ADD2: variants seen among roughly 807,000 people sequenced by gnomAD.
The protein encoded by ADD2 is adducin 2.
Under a neutral mutation model 83.0 loss-of-function variants are expected in ADD2, and 23 were observed. The observed-to-expected ratio is 0.28, with a 90% CI of 0.20 to 0.39. The LOEUF is 0.39. Ranked by LOEUF, ADD2 falls within the 10% of genes least tolerant of loss-of-function variation. The pLI is 1.00. For synonymous variants in ADD2, 375 were observed against 375.4 expected (o/e 1.00, Z 0.01); for missense variants, 758 against 944.9 (o/e 0.80, Z 2.59).
At position 70,732,193 on chromosome 2, in the gene ADD2, A is replaced by G. The variant is rs1012226213; in HGVS notation, c.-153-19009T>C. Reference sequence around the variant, plus strand: ...GGCTGGAACCAAAGCATGAAGTTGTACGAAAATATATAGTATGAAGCCTTT... The same window carrying G: ...GGCTGGAACCAAAGCATGAAGTTGTGCGAAAATATATAGTATGAAGCCTTT... On this transcript the variant is annotated intron_variant, in intron 1 of 15. Transcript: ENST00000264436. Among the ~76,000 whole-genome samples, 3 of 152,328 alleles carry G rather than the reference A, an allele frequency of 2.0e-5. No individual in the cohort carries two copies. In the East Asian group the frequency reaches 5.8e-4, roughly 29 times the overall value.
intron 1 of ADD2, among the ~76,000 whole-genome samples, chr2:70,736,884 A>G (rs2104485388): frequency 6.6e-6 from 1 of 152,274 alleles, no homozygotes; most frequent in East Asian, 1.9e-4. Context: ...AAAAGGAAAA[A>G]ACAAACAACC....
chr2:70,677,249 G>A (rs1670207270), intron 12 of ADD2, among the ~76,000 whole-genome samples: 1 of 152,046 alleles, frequency 6.6e-6, no homozygotes, highest in African/African-American at 2.4e-5. Flanking sequence ...GAGAGGGAGG[G>A]AGGGTGGTAG....
chr2:70,722,822 A>T (rs1279798264), intron 1 of ADD2, among the ~76,000 whole-genome samples: 2 of 152,118 alleles, frequency 1.3e-5, no homozygotes, highest in African/African-American at 4.8e-5. Context: ...TTGACCCACC[A>T]CCTATATTTC....
At chr2:70,704,482 T>G (rs1553374095) in intron 3 of ADD2, 23 bp from the exon 4 acceptor site, 1 of 1,612,808 alleles carries the variant, frequency 6.2e-7, no homozygotes, top group African/African-American at 1.3e-5. Flanking sequence ...CCGAGGTGCT[T>G]GTCCCCCCAC....
intron 6 of ADD2, among the ~76,000 whole-genome samples, chr2:70,695,037 T>C (rs972486308): frequency 1.3e-5 from 2 of 152,128 alleles, no homozygotes; most frequent in African/African-American, 2.4e-5. Flanking sequence ...GTAGAAGTCC[T>C]GCCCTGCCTA....
At chr2:70,687,563 C>T (rs1277229565) in intron 9 of ADD2, among the ~76,000 whole-genome samples, 1 of 151,678 alleles carries the variant, frequency 6.6e-6, no homozygotes, top group Non-Finnish European at 1.5e-5. Context: ...GACCATGTCC[C>T]TGGCCTTTGC....
Position 70,663,528 on chromosome 2 carries a change from G to A in ADD2, c.2078C>T (p.Ser693Phe). Residue 693 changes from serine to phenylalanine, a missense_variant, in exon 16 of 16, where the codon TCC becomes TTC. Transcript: ENST00000264436. ...KTESVTSGPMSPEGSPSKSPS... is the reference protein window; with the variant it reads ...KTESVTSGPMFPEGSPSKSPS... ...AGACTTGGAAGGTGAGCCCTCTGGGGACATGGGGCCGCTGGTGACCGACTC... is the reference window on the plus strand; with the variant it reads ...AGACTTGGAAGGTGAGCCCTCTGGGAACATGGGGCCGCTGGTGACCGACTC... The A allele has an allele frequency of 3.1e-6, 5 of 1,614,080 alleles. No homozygotes were observed. The highest frequency in any genetic ancestry group is 4.2e-6 in the Non-Finnish European group (5 of 1,179,996).
chr2:70,745,864 G>A (rs1046825836), intron 1 of ADD2, among the ~76,000 whole-genome samples: 9 of 152,222 alleles, frequency 5.9e-5, no homozygotes, highest in Admixed American at 5.9e-4. Flanking sequence ...CCAACAGTTA[G>A]AGAAACAGAT....
At chr2:70,698,227 C>T (rs1488563391) in intron 4 of ADD2, among the ~76,000 whole-genome samples, 31 of 152,174 alleles carry the variant, frequency 2.0e-4, no homozygotes, top group African/African-American at 5.8e-4. Context: ...CATGGGGCCC[C>T]AGTGATGGCC....
intron 1 of ADD2, among the ~76,000 whole-genome samples, chr2:70,714,555 A>T (rs1276133348): frequency 6.6e-6 from 1 of 152,230 alleles, no homozygotes; most frequent in Non-Finnish European, 1.5e-5. Context: ...ATGCTCGCCC[A>T]TCTACTTAGG....
chr2:70,730,296 C>T (rs547795434), intron 1 of ADD2, among the ~76,000 whole-genome samples: 1 of 152,326 alleles, frequency 6.6e-6, no homozygotes, highest in Admixed American at 6.5e-5. Flanking sequence ...GAGCATGATA[C>T]CACATCGGGC....
In ADD2 at chr2:70,726,139, A is replaced by G. The variant is rs1236512624; in HGVS notation, c.-153-12955T>C. ...GAGGCGGAGCTTGCAGTGAGCCAAG[A>G]TCCCGCCACGGCACTCCAGCCTGGG... On this transcript the variant is annotated intron_variant, in intron 1 of 15. Transcript: ENST00000264436. 4.6e-5 allele frequency among the ~76,000 whole-genome samples: 6 copies of G among 130,822 alleles called. 1 individual carries two copies. Among genetic ancestry groups the G allele is most frequent in the Non-Finnish European group, 9.2e-5 (6 of 64,996 alleles). The allele number at this position is 130,822 out of a possible 152,430, so 85.8% of individuals were successfully genotyped here. A position where few individuals can be genotyped will look rare whatever the true frequency, so the allele number is the denominator to read the frequency against.
chr2:70,731,808 G>C (rs1255818373), intron 1 of ADD2, among the ~76,000 whole-genome samples: 1 of 152,194 alleles, frequency 6.6e-6, no homozygotes, highest in Admixed American at 6.5e-5. Flanking sequence ...GCCTTCATTA[G>C]GCAGCACCTG....
chr2:70,708,567 C>T (rs1179180156), intron 2 of ADD2, among the ~76,000 whole-genome samples: 1 of 152,178 alleles, frequency 6.6e-6, no homozygotes, highest in Non-Finnish European at 1.5e-5. Flanking sequence ...TAAGATGGCA[C>T]AAAACCTCAC....
At chr2:70,691,641 C>T (rs537031430) in intron 7 of ADD2, 2 of 152,094 alleles carry the variant, frequency 1.3e-5, no homozygotes, top group East Asian at 3.9e-4. Flanking sequence ...AGAACCCTTG[C>T]CCTCCTTCAT....
Position 70,657,132 on chromosome 2 carries a change from T to C in ADD2, c.*6293A>G, listed in dbSNP as rs1242980233. ...GCATAGAGAAAGGCAAAACCATCTGTGGGGGTGATGCATACTCAAGGGGGC... is the reference window on the plus strand; with the variant it reads ...GCATAGAGAAAGGCAAAACCATCTGCGGGGGTGATGCATACTCAAGGGGGC... On this transcript the variant is annotated 3_prime_UTR_variant, in exon 16 of 16. Transcript: ENST00000264436. The C allele has an allele frequency of 6.6e-6, 1 of 151,984 alleles. No individual in the cohort carries two copies. The highest frequency in any genetic ancestry group is 1.5e-5 in the Non-Finnish European group (1 of 68,002). The allele number at this position is 151,984 out of a possible 1,614,324, so 9.4% of individuals were successfully genotyped here. A position where few individuals can be genotyped will look rare whatever the true frequency, so the allele number is the denominator to read the frequency against.
chr2:70,762,092 A>T (rs931387993), intron 1 of ADD2, among the ~76,000 whole-genome samples: 5 of 151,954 alleles, frequency 3.3e-5, no homozygotes, highest in Admixed American at 2.0e-4. Flanking sequence ...GGGTGGAAAA[A>T]TAGCTTGGAA....
intron 2 of ADD2, among the ~76,000 whole-genome samples, chr2:70,712,306 T>A (rs1672220349): frequency 6.6e-6 from 1 of 151,886 alleles, no homozygotes; most frequent in South Asian, 2.1e-4. Flanking sequence ...TAGGCGGGCA[T>A]GGTGGTGTGC....
chr2:70,765,946 T>C (rs1553385931), intron 1 of ADD2, among the ~76,000 whole-genome samples: 2 of 152,220 alleles, frequency 1.3e-5, no homozygotes, highest in Non-Finnish European at 2.9e-5. Flanking sequence ...TAGTCTTTTT[T>C]ATATATATTT....
Sources: allele counts gnomAD v4.1 joint callset (sites outside exome capture counted in the v4.1 genomes callset), GRCh38; gene constraint gnomAD v4.1.1; transcripts MANE v1.5; gene names NCBI Gene and HGNC (gene_info 2026-07-23, HGNC 2026-07-21).